The following KCNH1 variants were observed in gnomAD, a reference collection of about 807,000 sequenced individuals.
KCNH1 encodes voltage-gated delayed rectifier potassium channel KCNH1.
In KCNH1, 27 loss-of-function variants were observed where a neutral mutation model predicts 69.2. The observed-to-expected ratio is 0.39, with a 90% CI of 0.29 to 0.54. KCNH1 has a LOEUF of 0.54. KCNH1 is among the 20% of genes least tolerant of loss of function. The pLI is 0.68. For synonymous variants in KCNH1, 456 were observed against 487.7 expected (o/e 0.93, Z 0.86); for missense variants, 798 against 1,261.6 (o/e 0.63, Z 5.57).
chr1:210,703,126 A>G (rs1288558230), intron 10 of KCNH1, among the ~76,000 whole-genome samples: 1 of 152,208 alleles, frequency 6.6e-6, no homozygotes, highest in Non-Finnish European at 1.5e-5. Flanking sequence ...TCATAAAATA[A>G]AAATAAATTT....
intron 10 of KCNH1, among the ~76,000 whole-genome samples, chr1:210,757,277 T>C (rs1683419747): frequency 6.6e-6 from 1 of 152,162 alleles, no homozygotes; most frequent in Non-Finnish European, 1.5e-5. Context: ...ACTTGACGAA[T>C]GATGGCATTT....
At chr1:211,086,634 G>A (rs1323465853) in intron 4 of KCNH1, among the ~76,000 whole-genome samples, 1 of 152,158 alleles carries the variant, frequency 6.6e-6, no homozygotes, top group African/African-American at 2.4e-5. Flanking sequence ...TCTCAGGAAT[G>A]GAGAAATGGC....
At chr1:211,113,319 A>T (rs1691506558) in intron 1 of KCNH1, among the ~76,000 whole-genome samples, 1 of 152,188 alleles carries the variant, frequency 6.6e-6, no homozygotes, top group Non-Finnish European at 1.5e-5. Flanking sequence ...CTAAAATCAG[A>T]CCATTTCTAT....
intron 9 of KCNH1, among the ~76,000 whole-genome samples, chr1:210,783,063 T>C (rs1311215987): frequency 6.6e-6 from 1 of 152,362 alleles, no homozygotes; most frequent in East Asian, 1.9e-4. Context: ...TAGTAGGGGT[T>C]CAATAAATAG....
chr1:210,917,233 A>AGAGAGAG (rs1687359387), intron 7 of KCNH1, among the ~76,000 whole-genome samples: 1 of 98,766 alleles, frequency 1.0e-5, no homozygotes, highest in African/African-American at 3.8e-5. Context: ...GAGAGAGAGA[A>AGAGAGAG]AGAAAGAAAG....
chr1:210,707,512 G>A (rs1681942826), intron 10 of KCNH1, among the ~76,000 whole-genome samples: 1 of 152,140 alleles, frequency 6.6e-6, no homozygotes, highest in Non-Finnish European at 1.5e-5. Flanking sequence ...CCCCCACGCT[G>A]TTTTTTATAT....
At chr1:210,776,073 A>G (rs1262037598) in intron 9 of KCNH1, among the ~76,000 whole-genome samples, 1 of 152,152 alleles carries the variant, frequency 6.6e-6, no homozygotes, top group Non-Finnish European at 1.5e-5. Context: ...GTGAATATTT[A>G]AGGGAGCACG....
At chr1:211,112,426 C>G (rs1444841072) in intron 1 of KCNH1, among the ~76,000 whole-genome samples, 1 of 151,272 alleles carries the variant, frequency 6.6e-6, no homozygotes, top group Non-Finnish European at 1.5e-5. Flanking sequence ...TATGAAGTGA[C>G]AGCCTTGTGT....
chr1:210,806,810 A>T (rs1404029046), intron 7 of KCNH1, among the ~76,000 whole-genome samples: 185 of 3,000 alleles, frequency 0.062, 20 homozygotes, highest in South Asian at 0.16. Flanking sequence ...TCTCTACCAA[A>T]AAAAAAAAAA....
rs78159199 is a variant in KCNH1 at position 210,952,283 on chromosome 1, T to C, written c.1033-32214A>G. Among the ~76,000 whole-genome samples, 87 of 152,324 alleles carry C rather than the reference T, an allele frequency of 5.7e-4. No homozygotes were observed. The East Asian group carries it at 0.016, about 28-fold the overall frequency. ...ACCCTTATTCCTACTTCACCAGCCC[T>C]TGAAACTCAAATATACACCATATCT... On this transcript the variant is annotated intron_variant, in intron 6 of 10. Transcript: ENST00000271751.
At chr1:211,021,356 C>T (rs1008849039) in intron 5 of KCNH1, among the ~76,000 whole-genome samples, 2 of 152,166 alleles carry the variant, frequency 1.3e-5, no homozygotes, top group African/African-American at 2.4e-5. Flanking sequence ...AAACCCACAG[C>T]TCACATCATA....
rs1321481629 is a variant in KCNH1, at chr1:211,133,612, A to G, written c.79+255T>C. 6.6e-6 allele frequency among the ~76,000 whole-genome samples: 1 copy of G among 152,108 alleles called. No homozygotes were observed. Among genetic ancestry groups the G allele is most frequent in the Non-Finnish European group, 1.5e-5 (1 of 68,016 alleles). On this transcript the variant is annotated intron_variant, in intron 1 of 10. Coordinates refer to ENST00000271751, the MANE Select transcript of KCNH1 (RefSeq NM_172362.3). This position sits in a 1 kb window ranked among gnomAD's most constrained non-coding sequence, Gnocchi z 5.4. ...CAGCTGTCACGCATCCTTGGAGATA[A>G]GACCGAGAGGGCGCTAGAAAGGCCC...
At chr1:210,952,597 A>T (rs907314645) in intron 6 of KCNH1, among the ~76,000 whole-genome samples, 2 of 152,058 alleles carry the variant, frequency 1.3e-5, no homozygotes, top group Non-Finnish European at 2.9e-5. Flanking sequence ...CATTTTCAAC[A>T]TTCAGCCCTC....
At chr1:211,121,985 A>C (rs1691694386) in intron 1 of KCNH1, among the ~76,000 whole-genome samples, 1 of 152,092 alleles carries the variant, frequency 6.6e-6, no homozygotes. Flanking sequence ...AAAATACAAA[A>C]AAATTAGCTG....
In KCNH1 at chr1:211,040,791, G is replaced by A. The variant is rs1053736400; in HGVS notation, c.559-21535C>T. ...TTGCCTTAGGAATCACTGAAAAAAC[G>A]GAACCAGAGAGAGACTCCTGCATCC... On this transcript the variant is annotated intron_variant, in intron 5 of 10. Coordinates refer to ENST00000271751, the MANE Select transcript of KCNH1 (RefSeq NM_172362.3). Among the ~76,000 whole-genome samples the A allele has an allele frequency of 5.3e-5, 8 of 152,096 alleles. No individual in the cohort carries two copies. The South Asian group carries it at 1.0e-3, about 20-fold the overall frequency.
chr1:210,752,417 A>C (rs770493395), intron 10 of KCNH1, among the ~76,000 whole-genome samples: 2 of 152,212 alleles, frequency 1.3e-5, no homozygotes, highest in African/African-American at 2.4e-5. Flanking sequence ...TCCGTCAAGC[A>C]GAGAGTTCCA....
chr1:210,934,039 A>G (rs1180773170), intron 6 of KCNH1, among the ~76,000 whole-genome samples: 1 of 152,224 alleles, frequency 6.6e-6, no homozygotes, highest in African/African-American at 2.4e-5. Flanking sequence ...TCAACACGAA[A>G]TGGATTAAAG....
At position 210,679,912 on chromosome 1, in the gene KCNH1, C is replaced by T. The variant is rs1036231849; in HGVS notation, c.*3369G>A. 12 of 150,566 alleles carry T rather than the reference C, an allele frequency of 8.0e-5. No homozygotes were observed. The highest frequency in any genetic ancestry group is 6.6e-4 in the Admixed American group (10 of 15,110). 9.3% of individuals were successfully genotyped at this position (150,566 alleles called of 1,614,324 possible). ...CTATCCTGTAGCATTAATGTTGTAA[C>T]CTTATTAGCATAATGTAGCATTGCA... On this transcript the variant is annotated 3_prime_UTR_variant, in exon 11 of 11. Coordinates refer to ENST00000271751, the MANE Select transcript of KCNH1 (RefSeq NM_172362.3).
chr1:211,102,685 C>G (rs1162937287), intron 3 of KCNH1, among the ~76,000 whole-genome samples: 1 of 152,214 alleles, frequency 6.6e-6, no homozygotes, highest in African/African-American at 2.4e-5. Context: ...CAGGGCAAAA[C>G]ATATCACTCA....
Sources: allele counts gnomAD v4.1 joint callset (sites outside exome capture counted in the v4.1 genomes callset), GRCh38; gene constraint gnomAD v4.1.1; non-coding constraint Gnocchi (gnomAD v3.1); transcripts MANE v1.5; gene names NCBI Gene and HGNC (gene_info 2026-07-23, HGNC 2026-07-21).